The following MASTL variants were observed in gnomAD, a reference collection of about 807,000 sequenced individuals.
MASTL encodes serine/threonine-protein kinase greatwall.
A neutral mutation model predicts 82.5 loss-of-function variants in MASTL; 54 were observed. The ratio of observed to expected loss-of-function variants is 0.65; its 90% CI spans 0.53 to 0.82. The LOEUF is 0.82. Ranked by LOEUF, MASTL falls within the 40% of genes least tolerant of loss-of-function variation. The pLI, the probability that MASTL is intolerant of heterozygous loss-of-function variation, is 0.00. For missense variants in MASTL, 950 were observed against 1,047.8 expected, an observed-to-expected ratio of 0.91 and a Z score of 1.29; for synonymous variants, 323 against 368.9, an observed-to-expected ratio of 0.88 and a Z score of 1.43.
intron 4 of MASTL, among the ~76,000 whole-genome samples, chr10:27,161,861 G>C (rs1292035305): frequency 6.6e-6 from 1 of 151,926 alleles, no homozygotes; most frequent in African/African-American, 2.4e-5. Context: ...CATGATGAAG[G>C]GTTAATAACT....
chr10:27,173,936 G>A (rs1683333016), intron 9 of MASTL, among the ~76,000 whole-genome samples: 1 of 152,108 alleles, frequency 6.6e-6, no homozygotes, highest in South Asian at 2.1e-4. Flanking sequence ...GGACCACAAT[G>A]TTGGGTCTAA....
intron 1 of MASTL, among the ~76,000 whole-genome samples, chr10:27,156,689 C>G (rs1012449637): frequency 8.7e-5 from 13 of 149,812 alleles, no homozygotes; most frequent in African/African-American, 2.9e-4. Flanking sequence ...TTTTTTTAGC[C>G]GAGATTGAAT....
intron 1 of MASTL, among the ~76,000 whole-genome samples, chr10:27,157,450 G>A (rs1321657976): frequency 6.6e-6 from 1 of 152,158 alleles, no homozygotes; most frequent in Non-Finnish European, 1.5e-5. Flanking sequence ...TTACCAGCTT[G>A]CTTTGTCAGT....
rs756409076 is a variant in MASTL, at chr10:27,170,815, C to T, written c.1856C>T (p.Ser619Leu). The change falls in exon 8 of 12, where the codon TCA becomes TTA. Residue 619 changes from serine to leucine, a missense_variant. Transcript: ENST00000375940. The part of the protein sequence containing the change: ...IVTPDCQEKT[S>L]PKGVENPAVQ... ...ACACCAGATTGCCAAGAAAAGACCT[C>T]ACCAAAAGGTGTCGAGAACCCTGCT... is the stretch of plus-strand genomic sequence containing the variant. 6.2e-7 allele frequency: 1 copy of T among 1,614,138 alleles called. No homozygotes were observed. The highest frequency in any genetic ancestry group is 1.3e-5 in the African/African-American group (1 of 75,056).
In MASTL at chr10:27,186,824, T is replaced by C. The variant is rs1165390296; in HGVS notation, c.*288T>C. On this transcript the variant is annotated 3_prime_UTR_variant, in exon 12 of 12. Coordinates refer to ENST00000375940, the MANE Select transcript of MASTL (RefSeq NM_001172303.3). ...AAGCATCAATAAAATTAGAGGACAC[T>C]ATTGAGAGTGAGCCACTAGCTTGAT... The C allele has an allele frequency of 2.1e-5, 8 of 388,094 alleles. No homozygotes were observed. Among genetic ancestry groups the C allele is most frequent in the Non-Finnish European group, 3.8e-5 (8 of 209,946 alleles). 24.0% of individuals were successfully genotyped at this position (388,094 alleles called of 1,614,324 possible). A position where few individuals can be genotyped will look rare whatever the true frequency, so the allele number is the denominator to read the frequency against.
upstream of MASTL, chr10:27,155,183 T>A: frequency 1.8e-6 from 1 of 542,834 alleles, no homozygotes; most frequent in Non-Finnish European, 3.3e-6. Flanking sequence ...TCCTCCCTCA[T>A]GAGGAATGAT....
chr10:27,160,061 C>T (rs576833863), intron 3 of MASTL, among the ~76,000 whole-genome samples: 4 of 151,180 alleles, frequency 2.6e-5, no homozygotes, highest in Non-Finnish European at 4.4e-5. Context: ...AGTGACTTGA[C>T]CTTGGCTCAC....
rs201685118 is a variant in MASTL, at chr10:27,170,144, G to T, written c.1185G>T (p.Gly395=). The T allele has an allele frequency of 1.9e-6, 3 of 1,614,108 alleles. No individual in the cohort carries two copies. Among genetic ancestry groups the T allele is most frequent in the Non-Finnish European group, 1.7e-6 (2 of 1,180,014 alleles). The stretch of plus-strand genomic sequence containing the variant: ...ACCTTGCTAAAAAATGCTTCTCTGG[G>T]GAAGTTTCTTGGGAAGCAGTAGAAC... ...CVNLAKKCFS[G]EVSWEAVELD... The change falls in exon 8 of 12, where the codon GGG becomes GGT. Residue 395 remains glycine (G), a synonymous_variant. Transcript: ENST00000375940.
At position 27,181,020 on chromosome 10, in the gene MASTL, C is replaced by T; in HGVS notation, c.2334C>T (p.Phe778=). The T allele has an allele frequency of 6.2e-7, 1 of 1,613,162 alleles. No individual in the cohort carries two copies. The highest frequency in any genetic ancestry group is 8.5e-7 in the Non-Finnish European group (1 of 1,179,120). Residue 778 remains phenylalanine (F), a synonymous_variant, in exon 10 of 12, where the codon TTC becomes TTT. Transcript: ENST00000375940. The part of the protein sequence containing the change: ...LFEFLTGIPP[F]NDETPQQVFQ... ...AATTTCTAACAGGAATTCCCCCTTT[C>T]AATGATGAAACACCACAACAAGTAT...
At position 27,165,429 on chromosome 10, in the gene MASTL, TC is replaced by T. The variant is rs2057710617; in HGVS notation, c.703del (p.Leu235PhefsTer21). On this transcript the variant is annotated frameshift_variant, in exon 6 of 12. Coordinates refer to ENST00000375940, the MANE Select transcript of MASTL (RefSeq NM_001172303.3). LOFTEE classifies it high-confidence loss of function. ...GAAAAAAATCAAGACCCTGCAAACATCCTTTCAGCCTGTCTGTCTGAAACAT... is the reference window on the plus strand; with the variant it reads ...GAAAAAAATCAAGACCCTGCAAACATCTTTCAGCCTGTCTGTCTGAAACAT... ...IAEKNQDPAN[I>X]LSACLSETSQ... 1 of 1,613,650 alleles carries T rather than the reference TC, an allele frequency of 6.2e-7. No individual in the cohort carries two copies.
intron 9 of MASTL, chr10:27,177,760 T>C: frequency 3.6e-6 from 3 of 829,618 alleles, no homozygotes; most frequent in Non-Finnish European, 4.4e-6. Context: ...ACTCTAATAA[T>C]TTTAATACAG....
intron 5 of MASTL, 41 bp downstream of exon 5, chr10:27,165,211 A>G (rs779093886): frequency 1.4e-6 from 2 of 1,432,938 alleles, no homozygotes; most frequent in South Asian, 1.1e-5. Context: ...ATACCCCTTC[A>G]TGATCACCAC....
At position 27,171,003 on chromosome 10, in the gene MASTL, G is replaced by T; in HGVS notation, c.2044G>T (p.Asp682Tyr). 6.2e-7 allele frequency: 1 copy of T among 1,614,058 alleles called. No individual in the cohort carries two copies. The highest frequency in any genetic ancestry group is 8.5e-7 in the Non-Finnish European group (1 of 1,179,964). The change falls in exon 8 of 12, where the codon GAT becomes TAT. Residue 682 changes from aspartate to tyrosine, a missense_variant. Transcript: ENST00000375940. ...GAACATGACTTCTTTAGATGCAATG[G>T]ATATTTCGTGTGCCTACAGTGGTTC... ...RMNMTSLDAMDISCAYSGSYP... is the reference protein window; with the variant it reads ...RMNMTSLDAMYISCAYSGSYP...
intron 2 of MASTL, 84 bp downstream of exon 2, chr10:27,158,770 A>G: frequency 6.8e-7 from 1 of 1,465,928 alleles, no homozygotes; most frequent in Non-Finnish European, 9.5e-7. Context: ...GTTTTGGTTC[A>G]GAGTGCTTGC....
intron 7 of MASTL, among the ~76,000 whole-genome samples, chr10:27,167,974 T>C (rs73598037): frequency 6.6e-6 from 1 of 152,160 alleles, no homozygotes; most frequent in Non-Finnish European, 1.5e-5. Context: ...TTATTAGAGC[T>C]AAGAGATACT....
chr10:27,160,936 A>G (rs543025118), intron 3 of MASTL, among the ~76,000 whole-genome samples, 158 bp from the exon 4 acceptor site: 9 of 152,256 alleles, frequency 5.9e-5, no homozygotes, highest in African/African-American at 2.2e-4. Context: ...TTTGCTTTTG[A>G]GAGATGTTTT....
At chr10:27,157,592 C>T (rs1207222500) in intron 1 of MASTL, among the ~76,000 whole-genome samples, 1 of 152,142 alleles carries the variant, frequency 6.6e-6, no homozygotes, top group Non-Finnish European at 1.5e-5. Flanking sequence ...GAATTGATCC[C>T]AGTGTTACTG....
Position 27,170,090 on chromosome 10 carries a change from C to A in MASTL, c.1131C>A (p.Ala377=). 6.2e-7 allele frequency: 1 copy of A among 1,614,152 alleles called. No individual in the cohort carries two copies. Among genetic ancestry groups the A allele is most frequent in the South Asian group, 1.1e-5 (1 of 91,090 alleles). The change falls in exon 8 of 12, where the codon GCC becomes GCA. Residue 377 remains alanine (A), a synonymous_variant. Transcript: ENST00000375940. The part of the protein sequence containing the change: ...LALSPIHNSS[A]LPTTGRSCVN... ...TTTCTCCCATTCATAACAGCAGTGC[C>A]CTTCCCACCACTGGACGCTCTTGTG...
upstream of MASTL, chr10:27,155,018 G>A (rs2057303509): frequency 4.3e-6 from 1 of 234,412 alleles, no homozygotes; most frequent in Admixed American, 5.2e-5. Context: ...GTCAGAACTG[G>A]TTTCTACGCC....
Sources: allele counts gnomAD v4.1 joint callset (sites outside exome capture counted in the v4.1 genomes callset), GRCh38; gene constraint gnomAD v4.1.1; transcripts MANE v1.5; gene names NCBI Gene and HGNC (gene_info 2026-07-23, HGNC 2026-07-21).